IP6K3: variants seen among roughly 807,000 people sequenced by gnomAD.
The protein encoded by IP6K3 is ATP:1D-myo-inositol-hexakisphosphate phosphotransferase.
IP6K3 carries 20 observed loss-of-function variants against 28.8 expected under a neutral mutation model. The observed-to-expected ratio is 0.70, with a 90% CI of 0.49 to 1.01. The LOEUF (loss-of-function observed/expected upper bound fraction) is 1.01, where lower values mean the gene tolerates loss of function less well. Ranked by LOEUF, IP6K3 falls within the 50% of genes least tolerant of loss-of-function variation. The pLI is 0.00. For synonymous variants in IP6K3, 213 were observed against 221.3 expected, an observed-to-expected ratio of 0.96 and a Z score of 0.33; for missense variants, 480 against 537.1, an observed-to-expected ratio of 0.89 and a Z score of 1.05.
the IP6K3 span, among the ~76,000 whole-genome samples, chr6:33,752,478 T>G: frequency 5.9e-5 from 9 of 152,376 alleles, no homozygotes; most frequent in East Asian, 1.7e-3. Context: ...ACAGCTTTGT[T>G]GGCTCTGCTC....
chr6:33,735,582 A>G lies in IP6K3; in HGVS notation c.-106T>C, dbSNP rs994401902. On this transcript the variant is annotated 5_prime_UTR_variant, in exon 2 of 6. Coordinates refer to ENST00000293756, the MANE Select transcript of IP6K3 (RefSeq NM_054111.5). The stretch of plus-strand genomic sequence containing the variant: ...CACACGGGGCTGTCAGCGGTCCTCA[A>G]CTTTCTCCTTCTTGGCCTTTATTGC... 8 of 1,510,000 alleles carry G rather than the reference A, an allele frequency of 5.3e-6. No individual in the cohort carries two copies. The highest frequency in any genetic ancestry group is 1.4e-5 in the African/African-American group (1 of 71,864). 93.5% of individuals were successfully genotyped at this position (1,510,000 alleles called of 1,614,324 possible). A position where few individuals can be genotyped will look rare whatever the true frequency, so the allele number is the denominator to read the frequency against.
chr6:33,754,377 C>T, the IP6K3 span, among the ~76,000 whole-genome samples: 22 of 152,100 alleles, frequency 1.4e-4, no homozygotes, highest in African/African-American at 4.6e-4. Flanking sequence ...GGATGATAGC[C>T]TAGGGGGCGG....
intron 1 of IP6K3, among the ~76,000 whole-genome samples, chr6:33,737,613 A>G (rs1766575287): frequency 6.6e-6 from 1 of 152,212 alleles, no homozygotes; most frequent in African/African-American, 2.4e-5. Context: ...GAAAACCTCA[A>G]CACAGCCTGT....
intron 1 of IP6K3, among the ~76,000 whole-genome samples, chr6:33,743,453 A>C (rs1269241257): frequency 2.6e-5 from 4 of 152,164 alleles, no homozygotes; most frequent in Non-Finnish European, 5.9e-5. Flanking sequence ...ATTAGAGATG[A>C]GAGGACCCAA....
intron 1 of IP6K3, among the ~76,000 whole-genome samples, chr6:33,745,431 C>T (rs1277331464): frequency 6.6e-6 from 1 of 152,094 alleles, no homozygotes; most frequent in Admixed American, 6.5e-5. Flanking sequence ...CCTCAGGCTC[C>T]CTGAGCCTGC....
At chr6:33,755,259 C>T in the IP6K3 span, among the ~76,000 whole-genome samples, 1 of 152,270 alleles carries the variant, frequency 6.6e-6, no homozygotes, top group African/African-American at 2.4e-5. Flanking sequence ...AGGCCACTTG[C>T]AGGCCTGGGC....
chr6:33,752,909 C>T, the IP6K3 span, among the ~76,000 whole-genome samples: 1 of 152,208 alleles, frequency 6.6e-6, no homozygotes, highest in Non-Finnish European at 1.5e-5. Flanking sequence ...GTGTATCAAA[C>T]AGCATTCCCC....
chr6:33,727,846 A>C, intron 3 of IP6K3: 2 of 985,440 alleles, frequency 2.0e-6, no homozygotes, highest in African/African-American at 1.7e-5. Flanking sequence ...CTCAGTAGAC[A>C]ACTCTGCCTG....
intron 2 of IP6K3, among the ~76,000 whole-genome samples, chr6:33,729,518 G>A (rs1259444196): frequency 1.3e-5 from 2 of 152,136 alleles, no homozygotes; most frequent in Non-Finnish European, 2.9e-5. Context: ...GAGGGTGGGA[G>A]GAGAAAGGAT....
upstream of IP6K3, among the ~76,000 whole-genome samples, chr6:33,747,928 T>C (rs1241066563): frequency 1.3e-5 from 2 of 151,926 alleles, no homozygotes; most frequent in Non-Finnish European, 2.9e-5. This position sits in a 1 kb window ranked among gnomAD's most constrained non-coding sequence, Gnocchi z 5.2. Context: ...TCCTGAGATG[T>C]TCAGGAATCA....
chr6:33,745,090 C>A (rs1048206610), intron 1 of IP6K3, among the ~76,000 whole-genome samples: 15 of 152,248 alleles, frequency 9.9e-5, no homozygotes, highest in Admixed American at 5.2e-4. Flanking sequence ...CTGCAGCCCG[C>A]GGGCCAGCAC....
At chr6:33,758,634 C>G in the IP6K3 span, among the ~76,000 whole-genome samples, 2 of 152,182 alleles carry the variant, frequency 1.3e-5, no homozygotes, top group Admixed American at 1.3e-4. Context: ...GAGTCTCACT[C>G]TGTTCTCCAG....
chr6:33,727,933 TG>T, intron 3 of IP6K3, 153 bp downstream of exon 3: 2 of 985,460 alleles, frequency 2.0e-6, no homozygotes, highest in African/African-American at 3.5e-5. Context: ...TTCCTTTCTT[TG>T]GTCACATTGG....
chr6:33,726,368 G>A (rs929442910), intron 4 of IP6K3, among the ~76,000 whole-genome samples: 1 of 152,166 alleles, frequency 6.6e-6, no homozygotes, highest in African/African-American at 2.4e-5. Flanking sequence ...AGCTTTCTGA[G>A]CCCCCTGCTG....
the IP6K3 span, among the ~76,000 whole-genome samples, chr6:33,757,350 T>C: frequency 2.6e-5 from 4 of 152,244 alleles, no homozygotes; most frequent in African/African-American, 9.6e-5. Context: ...GTGCAGCTGA[T>C]GTTCTTGCCC....
intron 1 of IP6K3, among the ~76,000 whole-genome samples, chr6:33,737,699 G>A (rs1311966442): frequency 6.6e-6 from 1 of 152,246 alleles, no homozygotes; most frequent in Non-Finnish European, 1.5e-5. Flanking sequence ...GGAGGGAGAA[G>A]GAGTGTGGCT....
chr6:33,723,964 G>C (rs1215470396), intron 5 of IP6K3, among the ~76,000 whole-genome samples: 1 of 152,142 alleles, frequency 6.6e-6, no homozygotes, highest in Non-Finnish European at 1.5e-5. Context: ...CAGCAGCTGA[G>C]GCTGAACTAA....
intron 3 of IP6K3, 144 bp from the exon 4 acceptor site, chr6:33,727,050 C>G: frequency 1.3e-6 from 1 of 747,124 alleles, no homozygotes; most frequent in Middle Eastern, 4.1e-4. Context: ...GGCTGGGGCA[C>G]CCTCCCTGCC....
At position 33,722,686 on chromosome 6, in the gene IP6K3, T is replaced by C; in HGVS notation, c.*34A>G. The C allele has an allele frequency of 6.9e-7, 1 of 1,449,508 alleles. No homozygotes were observed. Among genetic ancestry groups the C allele is most frequent in the Non-Finnish European group, 9.5e-7 (1 of 1,051,330 alleles). 89.8% of individuals were successfully genotyped at this position (1,449,508 alleles called of 1,614,324 possible). On this transcript the variant is annotated 3_prime_UTR_variant, in exon 6 of 6. Transcript: ENST00000293756. ...CCAACAGGTCTCTATTTGAGATCTA[T>C]AGCCCAGAAGAATCCAGATAAGCCC...
Sources: gnomAD v4.1 joint callset for allele counts (sites outside exome capture counted in the v4.1 genomes callset) on GRCh38, gnomAD v4.1.1 for gene constraint, Gnocchi (gnomAD v3.1) non-coding constraint, MANE v1.5 for transcripts, NCBI Gene and HGNC (gene_info 2026-07-23, HGNC 2026-07-21) for gene names.